The following CCSER1 variants were observed in gnomAD, a reference collection of about 807,000 sequenced individuals.
The protein encoded by CCSER1 is coiled-coil serine rich protein 1, also known as serine-rich coiled-coil domain-containing protein 1.
In CCSER1, 41 loss-of-function variants were observed where a neutral mutation model predicts 82.0. The ratio of observed to expected loss-of-function variants is 0.50; its 90% CI spans 0.39 to 0.65. The LOEUF (loss-of-function observed/expected upper bound fraction) is 0.65, where lower values mean the gene tolerates loss of function less well. Among genes scored for constraint, CCSER1 ranks in the 30% least tolerant of loss-of-function variants. The pLI, the probability that CCSER1 is intolerant of heterozygous loss-of-function variation, is 0.00. For missense variants in CCSER1, 1,119 were observed against 1,064.2 expected (o/e 1.05, Z -0.72); for synonymous variants, 414 against 383.9 (o/e 1.08, Z -0.92).
intron 10 of CCSER1, among the ~76,000 whole-genome samples, chr4:91,273,019 C>T (rs534690072): frequency 2.0e-5 from 3 of 152,164 alleles, no homozygotes; most frequent in East Asian, 1.9e-4. Context: ...AGTTTGAAAT[C>T]GGGTAATGTG....
intron 1 of CCSER1, among the ~76,000 whole-genome samples, chr4:90,217,142 T>G (rs1741193767): frequency 6.6e-6 from 1 of 152,176 alleles, no homozygotes; most frequent in Non-Finnish European, 1.5e-5. Context: ...ATCCTGAAAC[T>G]TTCCTGAAGT....
intron 7 of CCSER1, among the ~76,000 whole-genome samples, chr4:90,745,349 G>A (rs1023986186): frequency 1.3e-5 from 2 of 152,114 alleles, no homozygotes; most frequent in African/African-American, 4.8e-5. Context: ...GTGATTCACT[G>A]GGTCCACCCA....
chr4:91,528,753 T>C (rs186847687), intron 10 of CCSER1, among the ~76,000 whole-genome samples: 1 of 152,130 alleles, frequency 6.6e-6, no homozygotes, highest in Non-Finnish European at 1.5e-5. Flanking sequence ...AAAGTCTGCT[T>C]TTTCTTCAGT....
chr4:91,381,879 T>C (rs185291300), intron 10 of CCSER1, among the ~76,000 whole-genome samples: 1 of 152,326 alleles, frequency 6.6e-6, no homozygotes, highest in East Asian at 1.9e-4. Context: ...TGGTTTTATC[T>C]ACCTTTGGTC....
intron 5 of CCSER1, among the ~76,000 whole-genome samples, chr4:90,612,045 G>GT (rs1483633978): frequency 1.3e-5 from 2 of 151,592 alleles, no homozygotes; most frequent in Non-Finnish European, 2.9e-5. Context: ...AATGATAGCT[G>GT]TAGACATGCC....
At chr4:91,439,457 G>A (rs556645904) in intron 10 of CCSER1, among the ~76,000 whole-genome samples, 4,171 of 152,056 alleles carry the variant, frequency 0.027, 192 homozygotes, top group African/African-American at 0.095. Context: ...CACCAGGCCT[G>A]CCCTAAAAGA....
intron 10 of CCSER1, among the ~76,000 whole-genome samples, chr4:91,146,423 A>G (rs1729543565): frequency 6.6e-6 from 1 of 152,048 alleles, no homozygotes; most frequent in Admixed American, 6.6e-5. Flanking sequence ...TATGTCTGTC[A>G]TTTCAGACAT....
intron 4 of CCSER1, among the ~76,000 whole-genome samples, chr4:90,466,773 C>T (rs1447426063): frequency 2.6e-5 from 4 of 152,158 alleles, no homozygotes; most frequent in African/African-American, 9.7e-5. Context: ...CAAATTAGTA[C>T]AGACAGTTCT....
chr4:90,928,157 A>G (rs2150270927), intron 9 of CCSER1, among the ~76,000 whole-genome samples: 1 of 152,170 alleles, frequency 6.6e-6, no homozygotes, highest in Admixed American at 6.5e-5. Flanking sequence ...TATTTTTACA[A>G]ATTAAAAAAC....
intron 10 of CCSER1, among the ~76,000 whole-genome samples, chr4:91,096,791 C>T (rs1431816251): frequency 6.6e-6 from 1 of 152,176 alleles, no homozygotes; most frequent in African/African-American, 2.4e-5. Flanking sequence ...ACACCACACA[C>T]TCACCACAAA....
intron 1 of CCSER1, among the ~76,000 whole-genome samples, chr4:90,290,398 C>T (rs1402925219): frequency 6.6e-6 from 1 of 151,842 alleles, no homozygotes; most frequent in Non-Finnish European, 1.5e-5. Context: ...ACAAACAAAG[C>T]AAATAGGGTC....
intron 10 of CCSER1, among the ~76,000 whole-genome samples, chr4:91,210,644 C>T (rs1350767611): frequency 6.6e-6 from 1 of 151,372 alleles, no homozygotes; most frequent in East Asian, 1.9e-4. Flanking sequence ...ATTTCAAAAT[C>T]TTCAAAAATG....
At chr4:91,319,837 C>T (rs985424124) in intron 10 of CCSER1, 1 of 389,560 alleles carries the variant, frequency 2.6e-6, no homozygotes, top group African/African-American at 2.1e-5. Context: ...ACAGTAGTTC[C>T]CCCTCATCTG....
intron 10 of CCSER1, among the ~76,000 whole-genome samples, chr4:91,115,972 A>G (rs369261116): frequency 3.3e-5 from 5 of 151,598 alleles, no homozygotes; most frequent in African/African-American, 7.3e-5. Context: ...TGTCATTTAC[A>G]TTAGGTATAT....
At chr4:90,865,337 G>A (rs1445084185) in intron 8 of CCSER1, among the ~76,000 whole-genome samples, 1 of 152,016 alleles carries the variant, frequency 6.6e-6, no homozygotes, top group Non-Finnish European at 1.5e-5. Context: ...TTCTTGTAGA[G>A]CTATTTCATT....
chr4:90,182,766 G>C (rs1051866941), intron 1 of CCSER1, among the ~76,000 whole-genome samples: 4 of 152,062 alleles, frequency 2.6e-5, no homozygotes, highest in African/African-American at 4.8e-5. Context: ...CTAACACTTT[G>C]ATGAAATGTA....
At chr4:90,949,636 T>A (rs1732669923) in intron 9 of CCSER1, among the ~76,000 whole-genome samples, 3 of 152,166 alleles carry the variant, frequency 2.0e-5, no homozygotes, top group Admixed American at 2.0e-4. Context: ...CATGCATTCA[T>A]TCATTTGACA....
chr4:91,267,724 A>G (rs899515948), intron 10 of CCSER1, among the ~76,000 whole-genome samples: 1 of 152,250 alleles, frequency 6.6e-6, no homozygotes, highest in Non-Finnish European at 1.5e-5. Context: ...GCTTGGGGCA[A>G]TATTTAAGCA....
At chr4:90,668,280 C>A (rs760433409) in intron 6 of CCSER1, among the ~76,000 whole-genome samples, 69 of 152,126 alleles carry the variant, frequency 4.5e-4, no homozygotes, top group Non-Finnish European at 8.7e-4. Flanking sequence ...TATACTGTGG[C>A]TTCTGTTATT....
Sources: allele counts gnomAD v4.1 joint callset (sites outside exome capture counted in the v4.1 genomes callset), GRCh38; gene constraint gnomAD v4.1.1; transcripts MANE v1.5; gene names NCBI Gene and HGNC (gene_info 2026-07-23, HGNC 2026-07-21).